Variants in CIMIP2A observed in about 807,000 individuals in gnomAD.
The protein encoded by CIMIP2A is ciliary microtubule inner protein 2A.
At chr9:137,245,369 C>A in the CIMIP2A span, 4 of 1,611,900 alleles carry the variant, frequency 2.5e-6, no homozygotes, top group Non-Finnish European at 3.4e-6. Context: ...TCCCCGTATA[C>A]TGGGTGTCCC....
At chr9:137,252,785 A>G in the CIMIP2A span, 27 of 1,562,482 alleles carry the variant, frequency 1.7e-5, no homozygotes, top group African/African-American at 3.1e-4. Context: ...GCCTGGGGCT[A>G]GGGGGCTGGG....
chr9:137,252,586 G>A, the CIMIP2A span: 10 of 1,507,018 alleles, frequency 6.6e-6, no homozygotes, highest in Non-Finnish European at 9.0e-6. Context: ...GGGGGTTCCA[G>A]TGGGGCCAAA....
At chr9:137,246,032 G>C in the CIMIP2A span, among the ~76,000 whole-genome samples, 2 of 152,216 alleles carry the variant, frequency 1.3e-5, no homozygotes, top group Admixed American at 1.3e-4. Flanking sequence ...TTGCCTTCTA[G>C]AGCTCTCTCA....
At chr9:137,245,585 C>T in the CIMIP2A span, 4 of 1,613,560 alleles carry the variant, frequency 2.5e-6, no homozygotes, top group Non-Finnish European at 3.4e-6. Flanking sequence ...CCTGTGAGTG[C>T]CGGGACAGGC....
chr9:137,245,024 C>T, the CIMIP2A span: 1 of 1,610,356 alleles, frequency 6.2e-7, no homozygotes, highest in African/African-American at 1.3e-5. Flanking sequence ...CTCAGGGGCT[C>T]TCACACTGCA....
chr9:137,243,827 G>T, the CIMIP2A span: 4 of 1,604,736 alleles, frequency 2.5e-6, no homozygotes, highest in South Asian at 1.1e-5. Flanking sequence ...GGGCTTATGT[G>T]CCCAGGACCA....
chr9:137,244,890 C>T, the CIMIP2A span: 3 of 1,574,786 alleles, frequency 1.9e-6, no homozygotes, highest in Non-Finnish European at 2.6e-6. Context: ...TGGGAACAGG[C>T]AGGCAAGGCA....
chr9:137,245,103 C>G, the CIMIP2A span: 3 of 1,609,482 alleles, frequency 1.9e-6, no homozygotes, highest in Non-Finnish European at 2.5e-6. Context: ...GATGGCCTTG[C>G]GTTGGATTAG....
chr9:137,251,016 C>T, the CIMIP2A span: 1 of 459,124 alleles, frequency 2.2e-6, no homozygotes, highest in Non-Finnish European at 4.0e-6. Flanking sequence ...CCAGGAGACC[C>T]CAGGGTGCAG....
chr9:137,244,511 G>A, the CIMIP2A span: 7 of 1,506,126 alleles, frequency 4.6e-6, no homozygotes, highest in African/African-American at 5.5e-5. Flanking sequence ...GGACAGGAGA[G>A]AGCCAGGCAG....
the CIMIP2A span, chr9:137,245,184 G>A: frequency 1.9e-6 from 2 of 1,068,674 alleles, no homozygotes; most frequent in Non-Finnish European, 2.8e-6. Context: ...GCGGCGGGCG[G>A]GGGGTGGGTA....
the CIMIP2A span, chr9:137,253,088 G>A: frequency 6.5e-7 from 1 of 1,545,198 alleles, no homozygotes; most frequent in Non-Finnish European, 8.8e-7. Context: ...CTACCTGGGT[G>A]GGGCTCCCAG....
the CIMIP2A span, chr9:137,252,218 C>G: frequency 6.5e-7 from 1 of 1,531,636 alleles, no homozygotes; most frequent in Non-Finnish European, 8.8e-7. Context: ...TGCTGAAACC[C>G]CCACGGCCTG....
chr9:137,245,685 C>T, the CIMIP2A span: 4,436 of 1,605,368 alleles, frequency 2.8e-3, 6 homozygotes, highest in Non-Finnish European at 3.5e-3. Context: ...GGCAGGGAAC[C>T]CTCGGGGGCT....
At chr9:137,244,364 C>T in the CIMIP2A span, 1 of 1,602,512 alleles carries the variant, frequency 6.2e-7, no homozygotes, top group South Asian at 1.1e-5. Context: ...CAGTGGGGGC[C>T]TGGCCGGAGG....
chr9:137,249,746 G>A, the CIMIP2A span, among the ~76,000 whole-genome samples: 4 of 152,216 alleles, frequency 2.6e-5, no homozygotes, highest in Non-Finnish European at 4.4e-5. Context: ...GGCAACTAGC[G>A]AGGACATGGA....
chr9:137,252,652 CCCCTCGCAGTGG>C, the CIMIP2A span: 1 of 1,536,860 alleles, frequency 6.5e-7, no homozygotes, highest in South Asian at 1.2e-5. Context: ...CGTCTCCTAC[CCCCTCGCAGTGG>C]CCCTCGCCAG....
At chr9:137,248,649 G>A in the CIMIP2A span, among the ~76,000 whole-genome samples, 185 of 152,180 alleles carry the variant, frequency 1.2e-3, 1 homozygote, top group Middle Eastern at 6.8e-3. Flanking sequence ...TGTGCAGATT[G>A]CTTGAGCCTA....
At chr9:137,249,055 A>C in the CIMIP2A span, among the ~76,000 whole-genome samples, 2 of 151,452 alleles carry the variant, frequency 1.3e-5, no homozygotes, top group Middle Eastern at 3.4e-3. Context: ...ACAGGGTTTC[A>C]CCATGTTAGC....
Sources: allele counts gnomAD v4.1 joint callset (sites outside exome capture counted in the v4.1 genomes callset), GRCh38; gene constraint gnomAD v4.1.1; transcripts MANE v1.5; gene names NCBI Gene and HGNC (gene_info 2026-07-23, HGNC 2026-07-21).